Variants in NAPA observed in about 807,000 individuals in gnomAD.
The protein encoded by NAPA is NSF attachment protein alpha.
NAPA carries 18 observed loss-of-function variants against 48.0 expected under a neutral mutation model. That is an observed-to-expected ratio of 0.38 (90% CI 0.26 to 0.56). The LOEUF is 0.56. Ranked by LOEUF, NAPA falls within the 20% of genes least tolerant of loss-of-function variation. The probability of loss-of-function intolerance (pLI) is 0.77; values close to 1 mark genes in which losing one functional copy is unlikely to be tolerated. For missense variants in NAPA, 315 were observed against 385.0 expected (o/e 0.82, Z 1.52); for synonymous variants, 152 against 149.9 (o/e 1.01, Z -0.10).
chr19:47,514,214 C>T (rs1006979032), intron 1 of NAPA, among the ~76,000 whole-genome samples: 2 of 152,026 alleles, frequency 1.3e-5, no homozygotes, highest in Admixed American at 1.3e-4. Flanking sequence ...CCCCATGCAC[C>T]CCCCACACTT....
chr19:47,496,320 T>C (rs1389005907), intron 3 of NAPA: 1 of 152,942 alleles, frequency 6.5e-6, no homozygotes, highest in Admixed American at 6.5e-5. Context: ...AGGATGGCAC[T>C]GAGGAAGAAC....
chr19:47,501,545 T>C (rs1210247463), intron 2 of NAPA: 1 of 152,264 alleles, frequency 6.6e-6, no homozygotes, highest in Non-Finnish European at 1.5e-5. Flanking sequence ...AGGAGCTGCA[T>C]GTCCAGAGAG....
chr19:47,500,089 G>A (rs772215314), intron 3 of NAPA, among the ~76,000 whole-genome samples: 4 of 152,162 alleles, frequency 2.6e-5, no homozygotes. Flanking sequence ...CCCCAAACTG[G>A]GTTTCTGTCC....
chr19:47,503,395 T>C, intron 2 of NAPA, 28 bp downstream of exon 2: 1 of 1,592,930 alleles, frequency 6.3e-7, no homozygotes, highest in Non-Finnish European at 8.6e-7. Context: ...GAGAGCACCT[T>C]GGAGGAGCTC....
intron 1 of NAPA, among the ~76,000 whole-genome samples, chr19:47,511,777 T>C (rs1165442919): frequency 3.9e-5 from 6 of 152,214 alleles, no homozygotes; most frequent in Non-Finnish European, 5.9e-5. Context: ...ATACCATCCA[T>C]CAGCAGGTTG....
At chr19:47,487,380 T>C (rs115598050), downstream of NAPA, among the ~76,000 whole-genome samples, 3,077 of 152,134 alleles carry the variant, frequency 0.02, 52 homozygotes, top group Middle Eastern at 0.058. Flanking sequence ...GTTGAGGAAA[T>C]CAAGGCCCCT....
intron 8 of NAPA, 73 bp downstream of exon 8, chr19:47,491,942 G>A: frequency 1.0e-5 from 14 of 1,369,014 alleles, no homozygotes; most frequent in Non-Finnish European, 1.4e-5. Flanking sequence ...CTCTTCGGGG[G>A]CAACGGGACC....
At chr19:47,508,053 C>A (rs1012101400) in intron 1 of NAPA, among the ~76,000 whole-genome samples, 2 of 152,126 alleles carry the variant, frequency 1.3e-5, no homozygotes, top group Non-Finnish European at 2.9e-5. Flanking sequence ...AGCCAGGGAG[C>A]CTGTACTGCC....
At chr19:47,499,446 A>G (rs1968516478) in intron 3 of NAPA, among the ~76,000 whole-genome samples, 1 of 152,176 alleles carries the variant, frequency 6.6e-6, no homozygotes, top group Non-Finnish European at 1.5e-5. Context: ...ATCAAGCTTA[A>G]AACCAACCCA....
intron 4 of NAPA, 46 bp downstream of exon 4, chr19:47,495,504 A>G (rs772005819): frequency 3.2e-6 from 5 of 1,587,092 alleles, no homozygotes; most frequent in Non-Finnish European, 4.3e-6. Flanking sequence ...AGGCTGGGGC[A>G]ATGCAGTGGG....
At chr19:47,510,755 G>A (rs1342810236) in intron 1 of NAPA, among the ~76,000 whole-genome samples, 1 of 152,208 alleles carries the variant, frequency 6.6e-6, no homozygotes, top group East Asian at 1.9e-4. Flanking sequence ...CACGCAGCAG[G>A]GAGGAGGAAC....
chr19:47,504,587 T>TA (rs1968654658), intron 1 of NAPA, among the ~76,000 whole-genome samples: 1 of 151,990 alleles, frequency 6.6e-6, no homozygotes, highest in African/African-American at 2.4e-5. Context: ...CCCGTATTTG[T>TA]ACTGTCTGAA....
intron 3 of NAPA, chr19:47,496,996 A>G: frequency 8.9e-6 from 3 of 336,792 alleles, no homozygotes; most frequent in Non-Finnish European, 1.8e-5. Context: ...AACGGTGGCA[A>G]AAAGGGGGCA....
chr19:47,488,614 C>CT (rs1052161100), intron 10 of NAPA: 7 of 327,608 alleles, frequency 2.1e-5, no homozygotes, highest in African/African-American at 1.0e-4. Context: ...GATATTGTAG[C>CT]TTTAAAAAAA....
At chr19:47,485,285 AG>A (rs1968038851), downstream of NAPA, among the ~76,000 whole-genome samples, 4 of 152,240 alleles carry the variant, frequency 2.6e-5, no homozygotes. Flanking sequence ...ACCTCTACAA[AG>A]AGGTTTATTA....
intron 9 of NAPA, among the ~76,000 whole-genome samples, chr19:47,490,069 G>A (rs1968199340): frequency 6.6e-6 from 1 of 150,694 alleles, no homozygotes. Context: ...AGGTGTGTGT[G>A]TGTGTGGTGT....
chr19:47,488,403 A>G lies in NAPA; in HGVS notation c.787-14T>C, dbSNP rs1399322957. 1 of 1,603,410 alleles carries G rather than the reference A, an allele frequency of 6.2e-7. No individual in the cohort carries two copies. ...GTATTCCTTCACCTGAGGGCACACC[A>G]GGTGATAGGCTGGCCATGCTCCCCC... is the stretch of plus-strand genomic sequence containing the variant. On this transcript the variant is annotated splice_polypyrimidine_tract_variant and intron_variant, in intron 10 of 10. Coordinates refer to ENST00000263354, the MANE Select transcript of NAPA (RefSeq NM_003827.4).
chr19:47,514,123 T>C (rs577749802), intron 1 of NAPA, among the ~76,000 whole-genome samples: 6 of 151,832 alleles, frequency 4.0e-5, no homozygotes, highest in Non-Finnish European at 7.4e-5. Flanking sequence ...TGCTGAGACC[T>C]CCACAGTCTT....
intron 10 of NAPA, 58 bp downstream of exon 10, chr19:47,489,653 G>C (rs1968184594): frequency 6.3e-7 from 1 of 1,588,898 alleles, no homozygotes; most frequent in Non-Finnish European, 8.6e-7. Flanking sequence ...GAGAAGGGCA[G>C]CTTTCCTAGG....
Sources: gnomAD v4.1 joint callset for allele counts (sites outside exome capture counted in the v4.1 genomes callset) on GRCh38, gnomAD v4.1.1 for gene constraint, MANE v1.5 for transcripts, NCBI Gene and HGNC (gene_info 2026-07-23, HGNC 2026-07-21) for gene names.